EPHA6: variants seen among roughly 807,000 people sequenced by gnomAD.
EPHA6 encodes EPH receptor A6, also known as ephrin type-A receptor 6.
EPHA6 carries 50 observed loss-of-function variants against 112.0 expected under a neutral mutation model. That is an observed-to-expected ratio of 0.45 (90% CI 0.36 to 0.56). EPHA6 has a LOEUF of 0.56. Ranked by LOEUF, EPHA6 falls within the 20% of genes least tolerant of loss-of-function variation. The probability of loss-of-function intolerance (pLI) is 0.00; values close to 1 mark genes in which losing one functional copy is unlikely to be tolerated. For synonymous variants in EPHA6, 529 were observed against 490.7 expected (o/e 1.08, Z -1.03); for missense variants, 1,280 against 1,417.4 (o/e 0.90, Z 1.56).
chr3:96,945,432 G>A (rs927284888), intron 2 of EPHA6, among the ~76,000 whole-genome samples: 8 of 152,122 alleles, frequency 5.3e-5, no homozygotes, highest in East Asian at 1.9e-4. Flanking sequence ...CAAGGCTAAC[G>A]AAAGTTGTGT....
intron 2 of EPHA6, among the ~76,000 whole-genome samples, chr3:96,966,975 A>G (rs1226947163): frequency 2.0e-5 from 3 of 151,980 alleles, no homozygotes; most frequent in Non-Finnish European, 2.9e-5. Context: ...ATTTAGCTTA[A>G]TTCTGTGTCA....
intron 3 of EPHA6, among the ~76,000 whole-genome samples, chr3:97,212,736 A>G (rs2077911341): frequency 6.6e-6 from 1 of 152,214 alleles, no homozygotes; most frequent in Admixed American, 6.5e-5. Context: ...ATGATAAAAG[A>G]TAAATTGAAA....
intron 3 of EPHA6, among the ~76,000 whole-genome samples, chr3:97,221,635 A>G (rs375022241): frequency 1.3e-5 from 2 of 152,290 alleles, no homozygotes; most frequent in East Asian, 1.9e-4. Flanking sequence ...AACAAAACCT[A>G]AGACCACTAA....
rs1378780812 is a variant in EPHA6, at chr3:97,761,335, T to C, written c.*12634T>C. The C allele has an allele frequency of 1.0e-5, 2 of 190,596 alleles. No individual in the cohort carries two copies. Among genetic ancestry groups the C allele is most frequent in the Non-Finnish European group, 2.2e-5 (2 of 90,888 alleles). 11.8% of individuals were successfully genotyped at this position (190,596 alleles called of 1,614,324 possible). On this transcript the variant is annotated 3_prime_UTR_variant, in exon 18 of 18. Transcript: ENST00000389672. ...GAATTGCATAACATATGTCATCTATTTGCTGAAAGAATATGCTGTTTAGCA... is the reference window on the plus strand; with the variant it reads ...GAATTGCATAACATATGTCATCTATCTGCTGAAAGAATATGCTGTTTAGCA...
intron 3 of EPHA6, among the ~76,000 whole-genome samples, chr3:97,124,553 G>T (rs1448208323): frequency 6.6e-6 from 1 of 151,918 alleles, no homozygotes; most frequent in Non-Finnish European, 1.5e-5. Flanking sequence ...TCCTAGTCTT[G>T]CTTTCACCAC....
intron 11 of EPHA6, among the ~76,000 whole-genome samples, chr3:97,548,876 CA>C (rs1481354999): frequency 6.6e-6 from 1 of 152,138 alleles, no homozygotes; most frequent in African/African-American, 2.4e-5. Context: ...TATTTTATGT[CA>C]ATGGTGGATT....
At chr3:97,051,324 C>T (rs1192616732) in intron 3 of EPHA6, among the ~76,000 whole-genome samples, 2 of 152,158 alleles carry the variant, frequency 1.3e-5, no homozygotes, top group South Asian at 2.1e-4. Flanking sequence ...AAATCTCCTC[C>T]GTAAGGAGAT....
chr3:97,401,449 T>G (rs1485210493), intron 5 of EPHA6, among the ~76,000 whole-genome samples: 2 of 151,802 alleles, frequency 1.3e-5, no homozygotes, highest in Non-Finnish European at 3.0e-5. Flanking sequence ...CCCCTAGGAT[T>G]TCTAATTTGT....
chr3:97,604,691 G>T (rs1012332461), intron 12 of EPHA6, among the ~76,000 whole-genome samples: 6 of 151,498 alleles, frequency 4.0e-5, no homozygotes, highest in Non-Finnish European at 7.4e-5. Flanking sequence ...TTTTATAGAT[G>T]CAAAAACTGA....
At chr3:97,508,296 A>G (rs2092295925) in intron 10 of EPHA6, among the ~76,000 whole-genome samples, 1 of 152,142 alleles carries the variant, frequency 6.6e-6, no homozygotes, top group South Asian at 2.1e-4. Flanking sequence ...TCCTGTGGGC[A>G]TTTAGTGCTA....
intron 2 of EPHA6, among the ~76,000 whole-genome samples, chr3:96,889,029 A>G (rs1288285775): frequency 6.6e-6 from 1 of 152,060 alleles, no homozygotes; most frequent in Non-Finnish European, 1.5e-5. Context: ...AGTTCCACAA[A>G]TCCGGGGCAA....
At chr3:96,846,972 G>A (rs561294471) in intron 1 of EPHA6, among the ~76,000 whole-genome samples, 4 of 152,096 alleles carry the variant, frequency 2.6e-5, no homozygotes, top group South Asian at 2.1e-4. Flanking sequence ...GTTTTACTTC[G>A]CATCTTTATG....
chr3:97,439,186 T>C (rs2090006488), intron 6 of EPHA6, among the ~76,000 whole-genome samples: 1 of 152,104 alleles, frequency 6.6e-6, no homozygotes, highest in Admixed American at 6.6e-5. Context: ...TATATGAAAA[T>C]AGTCATGAAT....
intron 3 of EPHA6, among the ~76,000 whole-genome samples, chr3:97,162,767 T>A (rs955747055): frequency 6.6e-6 from 1 of 152,100 alleles, no homozygotes; most frequent in Non-Finnish European, 1.5e-5. Context: ...AGTCTGGGAA[T>A]TGATTGAGAG....
intron 14 of EPHA6, among the ~76,000 whole-genome samples, chr3:97,695,294 C>T (rs576844436): frequency 1.3e-5 from 2 of 152,256 alleles, no homozygotes; most frequent in Admixed American, 6.5e-5. Flanking sequence ...TTAAAATGTC[C>T]TTTGAAGCTG....
chr3:97,003,845 G>A (rs1330255935), intron 3 of EPHA6, among the ~76,000 whole-genome samples: 1 of 137,002 alleles, frequency 7.3e-6, no homozygotes, highest in Non-Finnish European at 1.5e-5. Context: ...GTGTCCACGT[G>A]TTCTTAATGG....
At chr3:96,913,592 A>G (rs571182913) in intron 2 of EPHA6, among the ~76,000 whole-genome samples, 1 of 152,196 alleles carries the variant, frequency 6.6e-6, no homozygotes, top group East Asian at 1.9e-4. Context: ...TTTAATTACA[A>G]TGAAATAATA....
At position 97,538,256 on chromosome 3, in the gene EPHA6, TCTA is replaced by T. The variant is rs2092790748; in HGVS notation, c.2386+5716_2386+5718del. ...GAAAAAGAAAGGGATAGATTCTAGATCTACTTCCTAGGTGAAATTAAGACACTT... is the reference window on the plus strand; with the variant it reads ...GAAAAAGAAAGGGATAGATTCTAGATCTTCCTAGGTGAAATTAAGACACTT... On this transcript the variant is annotated intron_variant, in intron 11 of 17. Transcript: ENST00000389672. 5.3e-5 allele frequency among the ~76,000 whole-genome samples: 8 copies of T among 152,226 alleles called. No homozygotes were observed. In the South Asian group the frequency reaches 1.5e-3, roughly 28 times the overall value.
chr3:97,137,066 T>A (rs112459539), intron 3 of EPHA6, among the ~76,000 whole-genome samples: 25 of 152,086 alleles, frequency 1.6e-4, no homozygotes, highest in African/African-American at 5.6e-4. Flanking sequence ...CTTTAATATT[T>A]AAAAAAATTA....
Sources: gnomAD v4.1 joint callset for allele counts (sites outside exome capture counted in the v4.1 genomes callset) on GRCh38, gnomAD v4.1.1 for gene constraint, MANE v1.5 for transcripts, NCBI Gene and HGNC (gene_info 2026-07-23, HGNC 2026-07-21) for gene names.